The following HDAC9 variants were observed in gnomAD, a reference collection of about 807,000 sequenced individuals.
The protein encoded by HDAC9 is histone deacetylase 9.
In HDAC9, 41 loss-of-function variants were observed where a neutral mutation model predicts 139.4. The ratio of observed to expected loss-of-function variants is 0.29; its 90% CI spans 0.23 to 0.38. The LOEUF is 0.38. HDAC9 is among the 10% of genes least tolerant of loss of function. The probability of loss-of-function intolerance (pLI) is 1.00; values close to 1 mark genes in which losing one functional copy is unlikely to be tolerated. For missense variants in HDAC9, 1,147 were observed against 1,297.0 expected, an observed-to-expected ratio of 0.88 and a Z score of 1.78; for synonymous variants, 517 against 476.2, an observed-to-expected ratio of 1.09 and a Z score of -1.12.
chr7:18,870,499 A>G (rs1249304222), intron 21 of HDAC9, among the ~76,000 whole-genome samples: 1 of 152,140 alleles, frequency 6.6e-6, no homozygotes, highest in Admixed American at 6.5e-5. Flanking sequence ...ATTGATGCTG[A>G]TATGTCCAAT....
At chr7:18,303,681 A>ACT (rs1358441342) in intron 1 of HDAC9, among the ~76,000 whole-genome samples, 1 of 152,210 alleles carries the variant, frequency 6.6e-6, no homozygotes, top group African/African-American at 2.4e-5. Context: ...CCAGCTAGGC[A>ACT]CTATGACTTC....
At chr7:18,644,936 T>C in intron 9 of HDAC9, 143 bp downstream of exon 9, 1 of 740,260 alleles carries the variant, frequency 1.4e-6, no homozygotes, top group Non-Finnish European at 2.0e-6. Context: ...TTTGCTGTGT[T>C]GTTCAAAGAC....
chr7:18,884,847 C>CA (rs1800009656), intron 22 of HDAC9, among the ~76,000 whole-genome samples: 1 of 152,134 alleles, frequency 6.6e-6, no homozygotes, highest in African/African-American at 2.4e-5. Flanking sequence ...CCCTGTTTCT[C>CA]AATACACATG....
intron 22 of HDAC9, among the ~76,000 whole-genome samples, chr7:18,885,030 T>C (rs190869407): frequency 6.6e-6 from 1 of 152,248 alleles, no homozygotes; most frequent in Non-Finnish European, 1.5e-5. Flanking sequence ...GCAGTAGATA[T>C]GTAAAATACC....
chr7:18,186,567 C>T (rs1265825147), intron 2 of HDAC9, among the ~76,000 whole-genome samples: 1 of 152,166 alleles, frequency 6.6e-6, no homozygotes, highest in Non-Finnish European at 1.5e-5. Flanking sequence ...GAAGAGAGCT[C>T]TTCTGGATTA....
chr7:18,596,577 CAT>C (rs1279070099), intron 6 of HDAC9, among the ~76,000 whole-genome samples: 2 of 152,058 alleles, frequency 1.3e-5, no homozygotes, highest in African/African-American at 4.8e-5. Flanking sequence ...CATAATAAAA[CAT>C]ATGTGATGAT....
intron 2 of HDAC9, among the ~76,000 whole-genome samples, chr7:18,553,385 C>G (rs187415731): frequency 6.6e-6 from 1 of 152,068 alleles, no homozygotes; most frequent in Non-Finnish European, 1.5e-5. Flanking sequence ...GCCTAAATGA[C>G]TGTGTTTTAA....
intron 17 of HDAC9, among the ~76,000 whole-genome samples, chr7:18,807,572 T>C (rs969273994): frequency 6.6e-6 from 1 of 152,196 alleles, no homozygotes; most frequent in Non-Finnish European, 1.5e-5. Context: ...CATTTATTGC[T>C]ATAAACTTCT....
At chr7:18,246,064 C>A (rs538976889) in intron 2 of HDAC9, among the ~76,000 whole-genome samples, 1 of 149,926 alleles carries the variant, frequency 6.7e-6, no homozygotes, top group African/African-American at 2.5e-5. Flanking sequence ...CTTCATGGAG[C>A]TTTCATTCTA....
intron 16 of HDAC9, among the ~76,000 whole-genome samples, chr7:18,792,681 A>G (rs927626363): frequency 5.9e-5 from 9 of 152,222 alleles, no homozygotes; most frequent in African/African-American, 2.2e-4. Flanking sequence ...GAACTGAAAC[A>G]ATCTGACAAA....
At chr7:18,235,309 A>G (rs1479396724) in intron 2 of HDAC9, among the ~76,000 whole-genome samples, 2 of 152,170 alleles carry the variant, frequency 1.3e-5, no homozygotes, top group Admixed American at 6.5e-5. Context: ...TATACCTCCG[A>G]GAGACCCAGT....
At chr7:18,819,164 C>T (rs1024762152) in intron 17 of HDAC9, among the ~76,000 whole-genome samples, 3 of 152,138 alleles carry the variant, frequency 2.0e-5, no homozygotes, top group Admixed American at 2.0e-4. Context: ...CTTGCAATCC[C>T]AGCTACTCAG....
intron 1 of HDAC9, among the ~76,000 whole-genome samples, chr7:18,153,622 C>T (rs10268616): frequency 0.13 from 20,251 of 152,042 alleles, 2,188 homozygotes; most frequent in African/African-American, 0.3. Flanking sequence ...TTGGTCCTTT[C>T]GTTACTTGAG....
At chr7:18,308,901 G>A (rs554601105) in intron 1 of HDAC9, among the ~76,000 whole-genome samples, 18 of 152,270 alleles carry the variant, frequency 1.2e-4, no homozygotes, top group Non-Finnish European at 2.5e-4. Context: ...TTATGATGCA[G>A]GCTTTACCTG....
intron 6 of HDAC9, among the ~76,000 whole-genome samples, chr7:18,620,144 G>A (rs1839819168): frequency 6.6e-6 from 1 of 152,074 alleles, no homozygotes. Flanking sequence ...CATGTAGTTG[G>A]CACTGTATAG....
chr7:18,782,938 G>C (rs1474303350), intron 16 of HDAC9, among the ~76,000 whole-genome samples: 1 of 152,102 alleles, frequency 6.6e-6, no homozygotes, highest in Non-Finnish European at 1.5e-5. Context: ...CAACAAAATA[G>C]ATAAGGTGCC....
intron 1 of HDAC9, among the ~76,000 whole-genome samples, chr7:18,371,046 G>T (rs1021912869): frequency 2.0e-5 from 3 of 152,094 alleles, no homozygotes; most frequent in Non-Finnish European, 2.9e-5. Context: ...CTTTGCCTTT[G>T]TTCTGCACTT....
chr7:18,571,808 C>T (rs1035261690), intron 2 of HDAC9, among the ~76,000 whole-genome samples: 8 of 151,980 alleles, frequency 5.3e-5, no homozygotes, highest in African/African-American at 1.9e-4. Flanking sequence ...GTATATCACA[C>T]ATGGCATTTC....
chr7:18,818,890 A>T (rs1794762381), intron 17 of HDAC9, among the ~76,000 whole-genome samples: 1 of 152,178 alleles, frequency 6.6e-6, no homozygotes, highest in East Asian at 1.9e-4. Context: ...AATCTTAATG[A>T]ATGCAGCAAG....
Sources: allele counts gnomAD v4.1 joint callset (sites outside exome capture counted in the v4.1 genomes callset), GRCh38; gene constraint gnomAD v4.1.1; transcripts MANE v1.5; gene names NCBI Gene and HGNC (gene_info 2026-07-23, HGNC 2026-07-21).